Variants in CTNNA3 observed in about 807,000 individuals in gnomAD.
CTNNA3 encodes catenin alpha 3, also known as catenin alpha-3.
A neutral mutation model predicts 95.7 loss-of-function variants in CTNNA3; 76 were observed. The ratio of observed to expected loss-of-function variants is 0.79; its 90% CI spans 0.66 to 0.96. The LOEUF is 0.96. CTNNA3 is among the 40% of genes least tolerant of loss of function. The pLI is 0.00. For missense variants in CTNNA3, 1,191 were observed against 1,089.8 expected, an observed-to-expected ratio of 1.09 and a Z score of -1.31; for synonymous variants, 431 against 374.4, an observed-to-expected ratio of 1.15 and a Z score of -1.74.
rs1033140468 is a variant in CTNNA3 at position 67,530,077 on chromosome 10, C to A, written c.460-8116G>T. Among the ~76,000 whole-genome samples, 4 of 152,344 alleles carry A rather than the reference C, an allele frequency of 2.6e-5. No homozygotes were observed. The South Asian group carries it at 8.3e-4, about 32-fold the overall frequency. On this transcript the variant is annotated intron_variant, in intron 4 of 17. Transcript: ENST00000433211. Reference sequence around the variant, plus strand: ...CACCATGATTGTGTAGCCTCCCCAGCAAGGTGGAACTGTAAGTCCATTAAA... The same window carrying A: ...CACCATGATTGTGTAGCCTCCCCAGAAAGGTGGAACTGTAAGTCCATTAAA...
chr10:67,086,451 C>A (rs1857313687), intron 7 of CTNNA3, among the ~76,000 whole-genome samples: 1 of 151,988 alleles, frequency 6.6e-6, no homozygotes, highest in South Asian at 2.1e-4. Flanking sequence ...GTAATCATAT[C>A]ATTTGAAAGC....
chr10:66,149,471 A>C (rs894853167), intron 13 of CTNNA3, among the ~76,000 whole-genome samples: 1 of 151,342 alleles, frequency 6.6e-6, no homozygotes, highest in Non-Finnish European at 1.5e-5. Context: ...TAACTTCATT[A>C]GTTAAATGGG....
chr10:67,726,671 A>AT (rs1564841414), intron 1 of CTNNA3, among the ~76,000 whole-genome samples: 16 of 78,036 alleles, frequency 2.1e-4, no homozygotes, highest in African/African-American at 7.8e-4. Context: ...ATATTATATT[A>AT]ATTATATAAT....
chr10:66,581,418 T>C (rs1156731810), intron 10 of CTNNA3, among the ~76,000 whole-genome samples: 1 of 151,070 alleles, frequency 6.6e-6, no homozygotes, highest in South Asian at 2.1e-4. Flanking sequence ...TGGGGATTTT[T>C]TTTTTTGACT....
At chr10:67,270,132 A>G (rs1331495815) in intron 5 of CTNNA3, among the ~76,000 whole-genome samples, 6 of 121,320 alleles carry the variant, frequency 4.9e-5, no homozygotes, top group African/African-American at 1.8e-4. Flanking sequence ...GTATTTGTCA[A>G]AAAAAAAAAA....
intron 9 of CTNNA3, among the ~76,000 whole-genome samples, chr10:66,759,436 T>C (rs909988814): frequency 2.1e-4 from 32 of 152,204 alleles, no homozygotes; most frequent in Admixed American, 7.9e-4. Flanking sequence ...AATCACGTTG[T>C]TGTCCACATT....
chr10:67,630,835 TAAAG>T (rs1765892973), intron 2 of CTNNA3, among the ~76,000 whole-genome samples: 2 of 152,214 alleles, frequency 1.3e-5, no homozygotes, highest in Non-Finnish European at 2.9e-5. Flanking sequence ...TAACACATTA[TAAAG>T]AGTTTGTTAT....
At chr10:67,620,919 G>GTATATA (rs1488628629) in intron 2 of CTNNA3, among the ~76,000 whole-genome samples, 122 of 100,102 alleles carry the variant, frequency 1.2e-3, no homozygotes, top group African/African-American at 5.1e-3. Flanking sequence ...GTGTGTGTGT[G>GTATATA]TGTGTATATA....
At chr10:67,620,923 G>GTGTATATATATATATATATATATATA (rs1402402526) in intron 2 of CTNNA3, among the ~76,000 whole-genome samples, 38 of 123,768 alleles carry the variant, frequency 3.1e-4, no homozygotes, top group African/African-American at 9.5e-4. Flanking sequence ...GTGTGTGTGT[G>GTGTATATATATATATATATATATATA]TATATATATA....
chr10:66,734,872 CAAAAA>C (rs34979571), intron 9 of CTNNA3, among the ~76,000 whole-genome samples: 3 of 132,734 alleles, frequency 2.3e-5, no homozygotes, highest in Non-Finnish European at 3.2e-5. Flanking sequence ...AAGACTGTTT[CAAAAA>C]AAAAAAAAAA....
At chr10:66,625,129 CA>C (rs1480745355) in intron 9 of CTNNA3, among the ~76,000 whole-genome samples, 1 of 152,102 alleles carries the variant, frequency 6.6e-6, no homozygotes, top group African/African-American at 2.4e-5. Context: ...AGTCTTCAAA[CA>C]GGGATATGTG....
chr10:65,995,384 A>T (rs1007984221), intron 15 of CTNNA3, among the ~76,000 whole-genome samples: 1 of 152,184 alleles, frequency 6.6e-6, no homozygotes, highest in African/African-American at 2.4e-5. Flanking sequence ...GCATGCAGTA[A>T]TGTAGCCTCC....
chr10:66,297,313 G>A lies in CTNNA3; in HGVS notation c.1733-16692C>T, dbSNP rs74141415. ...CCCCCTGGTTCCATCCTTGCAAGCC[G>A]GGCATAAATGCTGAGACAGAATAAT... On this transcript the variant is annotated intron_variant, in intron 12 of 17. Transcript: ENST00000433211. Among the ~76,000 whole-genome samples, 511 of 152,012 alleles carry A rather than the reference G, an allele frequency of 3.4e-3. 2 individuals are homozygous for A. The highest frequency in any genetic ancestry group is 0.012 in the African/African-American group (482 of 41,448).
intron 3 of CTNNA3, among the ~76,000 whole-genome samples, chr10:67,559,631 C>T (rs1589425404): frequency 6.6e-6 from 1 of 152,282 alleles, no homozygotes. Context: ...CGGAACGAAG[C>T]TGGACGGAGA....
At chr10:66,895,914 C>CAAAAAAAA (rs869248195) in intron 7 of CTNNA3, among the ~76,000 whole-genome samples, 1 of 80,198 alleles carries the variant, frequency 1.2e-5, no homozygotes, top group Non-Finnish European at 2.4e-5. Context: ...CCTGTCTCTA[C>CAAAAAAAA]AAAAAAAAAA....
chr10:65,955,193 G>C (rs569836985), intron 17 of CTNNA3, among the ~76,000 whole-genome samples: 2 of 152,266 alleles, frequency 1.3e-5, no homozygotes, highest in African/African-American at 2.4e-5. Flanking sequence ...CTGTTTGTCT[G>C]TTATTGGCGT....
intron 10 of CTNNA3, among the ~76,000 whole-genome samples, chr10:66,617,831 T>C (rs1421009637): frequency 6.6e-6 from 1 of 151,554 alleles, no homozygotes; most frequent in Non-Finnish European, 1.5e-5. Flanking sequence ...CAGCCCAAAA[T>C]CTCCTTAAGC....
intron 3 of CTNNA3, among the ~76,000 whole-genome samples, chr10:67,576,359 CT>C (rs1485722750): frequency 1.3e-5 from 2 of 151,972 alleles, no homozygotes; most frequent in Admixed American, 1.3e-4. Context: ...TATTTAACTA[CT>C]TTAAATGGCC....
chr10:66,015,882 T>G (rs2079086878), intron 15 of CTNNA3, among the ~76,000 whole-genome samples: 1 of 152,212 alleles, frequency 6.6e-6, no homozygotes, highest in African/African-American at 2.4e-5. Flanking sequence ...TGAAATTATA[T>G]GTACATATAT....
Sources: gnomAD v4.1 joint callset for allele counts (sites outside exome capture counted in the v4.1 genomes callset) on GRCh38, gnomAD v4.1.1 for gene constraint, MANE v1.5 for transcripts, NCBI Gene and HGNC (gene_info 2026-07-23, HGNC 2026-07-21) for gene names.